Variants in PRDM1 observed in about 807,000 individuals in gnomAD.
The protein encoded by PRDM1 is PR domain zinc finger protein 1.
In PRDM1, 13 loss-of-function variants were observed where a neutral mutation model predicts 62.8. The observed-to-expected ratio is 0.21, with a 90% CI of 0.13 to 0.33. PRDM1 has a LOEUF of 0.33. Among genes scored for constraint, PRDM1 ranks in the 10% least tolerant of loss-of-function variants. The pLI is 1.00. For synonymous variants in PRDM1, 396 were observed against 417.6 expected, an observed-to-expected ratio of 0.95 and a Z score of 0.63; for missense variants, 895 against 1,058.8, an observed-to-expected ratio of 0.85 and a Z score of 2.15.
chr6:106,021,219 CT>C (rs1458376926), intron 1 of PRDM1, among the ~76,000 whole-genome samples: 3 of 152,156 alleles, frequency 2.0e-5, no homozygotes, highest in African/African-American at 7.2e-5. Context: ...TTCGGTTATG[CT>C]TTCTTTTTAC....
intron 1 of PRDM1, among the ~76,000 whole-genome samples, chr6:106,057,637 T>C (rs1050937114): frequency 2.0e-5 from 3 of 152,346 alleles, no homozygotes; most frequent in Non-Finnish European, 2.9e-5. Context: ...ATGCAGAGAA[T>C]GCTAAATTCA....
intron 1 of PRDM1, among the ~76,000 whole-genome samples, chr6:106,005,897 T>G (rs536754960): frequency 6.6e-6 from 1 of 152,240 alleles, no homozygotes; most frequent in Non-Finnish European, 1.5e-5. Flanking sequence ...TTCAGCCTTG[T>G]GATCCCTTTC....
intron 1 of PRDM1, among the ~76,000 whole-genome samples, chr6:106,068,687 C>T (rs1043408926): frequency 6.6e-6 from 1 of 152,190 alleles, no homozygotes. Context: ...CTTGCCTGAA[C>T]ACACAGTGCA....
intron 1 of PRDM1, among the ~76,000 whole-genome samples, chr6:106,007,020 G>A (rs1481455920): frequency 6.6e-6 from 1 of 151,902 alleles, no homozygotes; most frequent in Non-Finnish European, 1.5e-5. Context: ...TTTCATTGGG[G>A]CTTGGTCACT....
chr6:106,073,610 A>T (rs1582451154), intron 1 of PRDM1, among the ~76,000 whole-genome samples: 2 of 152,194 alleles, frequency 1.3e-5, no homozygotes, highest in East Asian at 3.8e-4. Context: ...GTATTTTATT[A>T]TTTAAATGTT....
At chr6:106,064,244 C>T (rs1435399204) in intron 1 of PRDM1, among the ~76,000 whole-genome samples, 1 of 152,122 alleles carries the variant, frequency 6.6e-6, no homozygotes, top group Non-Finnish European at 1.5e-5. Flanking sequence ...CAGATAAGGC[C>T]CAAAAGCAGT....
At chr6:106,097,928 C>T (rs780594906) in intron 3 of PRDM1, among the ~76,000 whole-genome samples, 7 of 152,212 alleles carry the variant, frequency 4.6e-5, no homozygotes, top group Non-Finnish European at 8.8e-5. Context: ...ACCGCAAAAG[C>T]TCTCACAAGC....
At chr6:106,032,411 C>G (rs1772857097) in intron 1 of PRDM1, among the ~76,000 whole-genome samples, 4 of 151,732 alleles carry the variant, frequency 2.6e-5, no homozygotes, top group Admixed American at 2.6e-4. Context: ...GTGATCCACC[C>G]TTCTCAGTCT....
intron 1 of PRDM1, among the ~76,000 whole-genome samples, chr6:106,007,334 G>T (rs1163020928): frequency 1.3e-5 from 2 of 151,880 alleles, no homozygotes; most frequent in African/African-American, 4.8e-5. Context: ...GGAGGCTGAG[G>T]CAGGAGAATT....
chr6:106,052,702 G>T (rs560107291), intron 1 of PRDM1, among the ~76,000 whole-genome samples: 30 of 152,156 alleles, frequency 2.0e-4, no homozygotes, highest in South Asian at 1.9e-3. Flanking sequence ...CGGGCGTGGG[G>T]TGGCTCACAC....
At position 105,994,857 on chromosome 6, in the gene PRDM1, A is replaced by C. The variant is rs9398058; in HGVS notation, c.-67+1218A>C. The stretch of plus-strand genomic sequence containing the variant: ...CCAGTCCCGCCGCGTCGGGAATGCG[A>C]GCCCGGCCACGCGGTCCGACCGGGT... On this transcript the variant is annotated intron_variant, in intron 1 of 6. Coordinates refer to the PRDM1 transcript ENST00000652320. The surrounding 1 kb of genome is among the most constrained non-coding windows in gnomAD (Gnocchi z 4.1). 0.91 allele frequency among the ~76,000 whole-genome samples: 139,016 copies of C among 152,266 alleles called. 63,574 individuals are homozygous for C. Among genetic ancestry groups the C allele is most frequent in the African/African-American group, 0.96 (39,718 of 41,558 alleles).
chr6:106,010,647 T>A (rs1181851136), intron 1 of PRDM1, among the ~76,000 whole-genome samples: 1 of 152,218 alleles, frequency 6.6e-6, no homozygotes, highest in African/African-American at 2.4e-5. Flanking sequence ...CTTACTTTTT[T>A]AAAAAGTTCT....
chr6:106,106,894 T>TC lies in PRDM1; in HGVS notation c.1903-16dup. On this transcript the variant is annotated splice_polypyrimidine_tract_variant and intron_variant, in intron 6 of 6. Coordinates refer to ENST00000369096, the MANE Select transcript of PRDM1 (RefSeq NM_001198.4). This position sits in a 1 kb window ranked among gnomAD's most constrained non-coding sequence, Gnocchi z 4.4. ...TCCTGTCTCCCTTCCCTGCTGTCTC[T>TC]CTCCCCTACACTGTAGGTCTGCCAC... The TC allele has an allele frequency of 6.3e-7, 1 of 1,593,266 alleles. No homozygotes were observed. The highest frequency in any genetic ancestry group is 8.6e-7 in the Non-Finnish European group (1 of 1,165,554).
intron 1 of PRDM1, among the ~76,000 whole-genome samples, chr6:106,065,767 T>C (rs1562157608): frequency 6.6e-6 from 1 of 152,210 alleles, no homozygotes; most frequent in Non-Finnish European, 1.5e-5. Context: ...AGATTGAGAC[T>C]TCCCTGCTTC....
At chr6:106,096,777 AAGTC>A (rs1774127777) in intron 3 of PRDM1, among the ~76,000 whole-genome samples, 1 of 152,198 alleles carries the variant, frequency 6.6e-6, no homozygotes, top group African/African-American at 2.4e-5. Flanking sequence ...GAACAGAAAA[AAGTC>A]AGATTGCTTT....
Position 106,105,526 on chromosome 6 carries a change from C to T in PRDM1, c.1366C>T (p.Leu456=). Residue 456 remains leucine, a synonymous_variant, in exon 5 of 7, where the codon CTG becomes TTG. Transcript: ENST00000369096. ...VYSNLLGGGS[L]PHPMLNPTSL... is the part of the protein sequence containing the mutation. Reference sequence around the variant, plus strand: ...CAGCAATCTCCTCGGTGGGGGCAGCCTGCCCCACCCCATGCTCAACCCCAC... The same window carrying T: ...CAGCAATCTCCTCGGTGGGGGCAGCTTGCCCCACCCCATGCTCAACCCCAC... 1 of 1,613,566 alleles carries T rather than the reference C, an allele frequency of 6.2e-7. No homozygotes were observed. Among genetic ancestry groups the T allele is most frequent in the Non-Finnish European group, 8.5e-7 (1 of 1,179,718 alleles).
intron 2 of PRDM1, among the ~76,000 whole-genome samples, chr6:106,090,288 T>C (rs527581484): frequency 6.6e-6 from 1 of 152,234 alleles, no homozygotes; most frequent in Non-Finnish European, 1.5e-5. Context: ...CCTATTTCAA[T>C]ATATTAAGCA....
rs1433169239 is a variant in PRDM1, at chr6:106,104,760, C to T, written c.665-65C>T. ...AGGTTTTCTCAAGAAGGAGGAGCAA[C>T]TTTGGCAGTTTTGCTTCAGTTCTCT... On this transcript the variant is annotated intron_variant, in intron 4 of 6. Coordinates refer to ENST00000369096, the MANE Select transcript of PRDM1 (RefSeq NM_001198.4). 7 of 1,514,340 alleles carry T rather than the reference C, an allele frequency of 4.6e-6. No individual in the cohort carries two copies. In the East Asian group the frequency reaches 1.6e-4, roughly 34 times the overall value. 93.8% of individuals were successfully genotyped at this position (1,514,340 alleles called of 1,614,324 possible).
chr6:106,080,304 T>A (rs1208221607), intron 1 of PRDM1, among the ~76,000 whole-genome samples: 1 of 152,022 alleles, frequency 6.6e-6, no homozygotes. Flanking sequence ...CAAAGTGCAG[T>A]TTAATCACTG....
Sources: gnomAD v4.1 joint callset for allele counts (sites outside exome capture counted in the v4.1 genomes callset) on GRCh38, gnomAD v4.1.1 for gene constraint, Gnocchi (gnomAD v3.1) non-coding constraint, MANE v1.5 for transcripts, NCBI Gene and HGNC (gene_info 2026-07-23, HGNC 2026-07-21) for gene names.